The following DEPDC5 variants were observed in gnomAD, a reference collection of about 807,000 sequenced individuals.
DEPDC5 encodes the protein GATOR1 complex protein DEPDC5.
DEPDC5 carries 73 observed loss-of-function variants against 217.3 expected under a neutral mutation model. The ratio of observed to expected loss-of-function variants is 0.34; its 90% confidence interval spans 0.28 to 0.41. The LOEUF (loss-of-function observed/expected upper bound fraction) is 0.41, where lower values mean the gene tolerates loss of function less well. DEPDC5 is among the 10% of genes least tolerant of loss of function. The probability of loss-of-function intolerance (pLI) is 1.00; values close to 1 mark genes in which losing one functional copy is unlikely to be tolerated. For missense variants in DEPDC5, 1,675 were observed against 2,070.1 expected (o/e 0.81, Z 3.70); for synonymous variants, 733 against 756.7 (o/e 0.97, Z 0.51).
chr22:31,763,196 G>T (rs1008877559), intron 4 of DEPDC5, among the ~76,000 whole-genome samples: 2 of 151,998 alleles, frequency 1.3e-5, no homozygotes, highest in Non-Finnish European at 1.5e-5. Context: ...TCACTATGTT[G>T]TCCAGGCTAG....
At position 31,821,579 on chromosome 22, in the gene DEPDC5, G is replaced by A. The variant is rs763484031; in HGVS notation, c.1948G>A (p.Asp650Asn). The change falls in exon 23 of 43, where the codon GAT becomes AAT. Residue 650 changes from aspartate to asparagine, a missense_variant. By Grantham distance (23) the Asp-to-Asn change is conservative (BLOSUM62 1). This residue lies in a region of DEPDC5 where 136 missense variants were observed against 132.2 expected (regional missense o/e 1.03). Transcript: ENST00000651528. ...MAELQGSGQR[D>N]PTHSSAELLE... ...GGAGCTACAAGGCAGCGGGCAGAGG[G>A]ATCCAACTCACTCCTCTGCAGAGCT... 1.2e-6 allele frequency: 2 copies of A among 1,614,116 alleles called. No individual in the cohort carries two copies. The highest frequency in any genetic ancestry group is 2.7e-5 in the African/African-American group (2 of 74,946).
chr22:31,836,909 G>GC, intron 25 of DEPDC5, 63 bp from the exon 26 acceptor site: 4 of 1,394,772 alleles, frequency 2.9e-6, no homozygotes, highest in Non-Finnish European at 3.9e-6. Context: ...CCCTCCCCTG[G>GC]CCCCCCATCC....
rs374184343 is a variant in DEPDC5, at chr22:31,810,653, G to C, written c.1445+12G>C. On this transcript the variant is annotated intron_variant, in intron 20 of 42. Coordinates refer to ENST00000651528, the MANE Select transcript of DEPDC5 (RefSeq NM_001242896.3). ...CTCACCACCTGCAGGTTTTCTGCCA[G>C]ATTCACTTGGGGGTGCATATAAAAA... is the stretch of plus-strand genomic sequence containing the variant. 11 of 1,614,102 alleles carry C rather than the reference G, an allele frequency of 6.8e-6. No individual in the cohort carries two copies. In the Admixed American group the frequency reaches 8.3e-5, roughly 12 times the overall value.
intron 21 of DEPDC5, among the ~76,000 whole-genome samples, chr22:31,817,865 T>G (rs1326056253): frequency 2.6e-5 from 4 of 152,220 alleles, no homozygotes; most frequent in Non-Finnish European, 5.9e-5. Flanking sequence ...CTTTTTTATT[T>G]TGTAAGTTAG....
At position 31,890,602 on chromosome 22, in the gene DEPDC5, G is replaced by C. The variant is rs753017573; in HGVS notation, c.4034-2980G>C. On this transcript the variant is annotated intron_variant, in intron 38 of 42. Coordinates refer to ENST00000651528, the MANE Select transcript of DEPDC5 (RefSeq NM_001242896.3). ...TGTGCACCTGTAGGCCCAGCTACCTGGGAGGCTGAGACACAAGAATCTCCT... is the reference window on the plus strand; with the variant it reads ...TGTGCACCTGTAGGCCCAGCTACCTCGGAGGCTGAGACACAAGAATCTCCT... Among the ~76,000 whole-genome samples the C allele has an allele frequency of 2.3e-4, 35 of 151,954 alleles. 1 individual carries two copies. The highest frequency in any genetic ancestry group is 1.7e-3 in the Admixed American group (26 of 15,288).
intron 12 of DEPDC5, among the ~76,000 whole-genome samples, chr22:31,793,626 C>T (rs969252266): frequency 2.6e-5 from 4 of 152,032 alleles, no homozygotes; most frequent in African/African-American, 7.2e-5. Flanking sequence ...GGCTGGAGTG[C>T]AGTGGTCATG....
Position 31,841,052 on chromosome 22 carries a change from CT to C in DEPDC5, c.2516-2041del, listed in dbSNP as rs553581681. The stretch of plus-strand genomic sequence containing the variant: ...CATGAACCTTGTCCCATGGCATTGT[CT>C]TCCCAACAGCCAGCAGAGTGTTTGT... On this transcript the variant is annotated intron_variant, in intron 27 of 42. Transcript: ENST00000651528. Among the ~76,000 whole-genome samples, 26 of 152,382 alleles carry C rather than the reference CT, an allele frequency of 1.7e-4. No individual in the cohort carries two copies. In the South Asian group the frequency reaches 5.0e-3, roughly 29 times the overall value.
intron 25 of DEPDC5, 36 bp from the exon 26 acceptor site, chr22:31,836,936 A>C: frequency 8.0e-7 from 1 of 1,247,906 alleles, no homozygotes; most frequent in Non-Finnish European, 1.1e-6. Context: ...TGCCATGGTG[A>C]CCACATGTAC....
At chr22:31,777,427 ATT>A (rs35822414) in intron 7 of DEPDC5, among the ~76,000 whole-genome samples, 2 of 144,210 alleles carry the variant, frequency 1.4e-5, no homozygotes. Context: ...CGCCCAGCTA[ATT>A]TTTTTTTTTT....
At chr22:31,817,573 C>CAACAGAGTGAG in intron 21 of DEPDC5, 1 of 273,694 alleles carries the variant, frequency 3.7e-6, no homozygotes, top group Non-Finnish European at 7.3e-6. Flanking sequence ...ACTACAGCCT[C>CAACAGAGTGAG]AACCTCCTGG....
At chr22:31,801,642 G>C (rs1000238547) in intron 14 of DEPDC5, among the ~76,000 whole-genome samples, 3 of 152,180 alleles carry the variant, frequency 2.0e-5, no homozygotes. Flanking sequence ...GGAATTATGA[G>C]AGCCATATTT....
Position 31,906,367 on chromosome 22 carries a change from G to A in DEPDC5, c.4682G>A (p.Ser1561Asn). 1 of 1,614,090 alleles carries A rather than the reference G, an allele frequency of 6.2e-7. No homozygotes were observed. Among genetic ancestry groups the A allele is most frequent in the Non-Finnish European group, 8.5e-7 (1 of 1,179,974 alleles). Residue 1561 changes from serine (S) to asparagine (N), a missense_variant, in exon 43 of 43, where the codon AGC becomes AAC. Around this residue, in one of 11 missense-constraint regions of DEPDC5, gnomAD observed 49 missense variants for 74.7 expected, o/e 0.66. Transcript: ENST00000651528. The surrounding 1 kb of genome is among the most constrained non-coding windows in gnomAD (Gnocchi z 5.1). ...ATGCTCACCAAAACATGGCGCTCCA[G>A]CGCCACAGGGGATGAAAAGTTTGCT... ...NTMLTKTWRS[S>N]ATGDEKFADR... is the part of the protein sequence containing the mutation.
intron 18 of DEPDC5, among the ~76,000 whole-genome samples, chr22:31,808,231 G>A: frequency 6.6e-6 from 1 of 151,398 alleles, no homozygotes; most frequent in Non-Finnish European, 1.5e-5. Context: ...CAATAGCTAG[G>A]ACTACAGGCA....
At chr22:31,767,304 C>A (rs1057179399) in intron 6 of DEPDC5, among the ~76,000 whole-genome samples, 2 of 151,836 alleles carry the variant, frequency 1.3e-5, no homozygotes, top group African/African-American at 4.8e-5. Flanking sequence ...CCATGCCCGG[C>A]TAATTTTTTT....
chr22:31,900,566 C>T (rs887775132), intron 40 of DEPDC5, among the ~76,000 whole-genome samples: 10 of 151,478 alleles, frequency 6.6e-5, no homozygotes, highest in African/African-American at 1.9e-4. Context: ...TGTTGAAACT[C>T]CATCTTTACT....
chr22:31,809,682 A>G, intron 19 of DEPDC5, 35 bp downstream of exon 19: 1 of 1,611,686 alleles, frequency 6.2e-7, no homozygotes, highest in Non-Finnish European at 8.5e-7. Context: ...TCTTGCTTTT[A>G]AAAAGAGAGT....
At chr22:31,773,999 A>G (rs1399088236) in intron 7 of DEPDC5, among the ~76,000 whole-genome samples, 3 of 151,554 alleles carry the variant, frequency 2.0e-5, no homozygotes, top group Non-Finnish European at 4.4e-5. Flanking sequence ...TGAACCTGGG[A>G]GGCAGAGGTT....
chr22:31,898,774 A>C (rs181666791), intron 40 of DEPDC5, among the ~76,000 whole-genome samples: 66 of 152,324 alleles, frequency 4.3e-4, no homozygotes, highest in African/African-American at 1.3e-3. Context: ...ACAATGTTCT[A>C]AGTGATAATC....
chr22:31,756,038 ATTTTTTTT>A (rs35222514), intron 2 of DEPDC5, among the ~76,000 whole-genome samples: 2 of 116,850 alleles, frequency 1.7e-5, no homozygotes, highest in African/African-American at 3.2e-5. Flanking sequence ...ACACCTGGCT[ATTTTTTTT>A]TTTTTTTTTT....
Sources: allele counts gnomAD v4.1 joint callset (sites outside exome capture counted in the v4.1 genomes callset), GRCh38; gene constraint gnomAD v4.1.1; regional missense constraint gnomAD v4.1.1; non-coding constraint Gnocchi (gnomAD v3.1); transcripts MANE v1.5; gene names NCBI Gene and HGNC (gene_info 2026-07-23, HGNC 2026-07-21).